Variants in LIMD1 observed in about 807,000 individuals in gnomAD.
LIMD1 encodes the protein LIM domain-containing protein 1.
In LIMD1, 23 loss-of-function variants were observed where a neutral mutation model predicts 58.4. The ratio of observed to expected loss-of-function variants is 0.39; its 90% CI spans 0.28 to 0.56. LIMD1 has a LOEUF of 0.56. LIMD1 is among the 20% of genes least tolerant of loss of function. The pLI is 0.57. For synonymous variants in LIMD1, 334 were observed against 345.5 expected, an observed-to-expected ratio of 0.97 and a Z score of 0.37; for missense variants, 838 against 855.5, an observed-to-expected ratio of 0.98 and a Z score of 0.25.
At chr3:45,618,745 A>G (rs1481192581) in intron 1 of LIMD1, among the ~76,000 whole-genome samples, 4 of 151,868 alleles carry the variant, frequency 2.6e-5, no homozygotes, top group Non-Finnish European at 4.4e-5. Flanking sequence ...AGAAGCCACA[A>G]CGATGCCCGA....
chr3:45,614,184 A>G (rs1701555214), intron 1 of LIMD1, among the ~76,000 whole-genome samples: 2 of 152,178 alleles, frequency 1.3e-5, no homozygotes, highest in South Asian at 4.1e-4. Context: ...TAAGAGTTTG[A>G]TTTAAAAAAC....
In LIMD1 at chr3:45,596,075, T is replaced by C. The variant is rs1701346133; in HGVS notation, c.1196T>C (p.Leu399Ser). 6.2e-7 allele frequency: 1 copy of C among 1,614,080 alleles called. No individual in the cohort carries two copies. Among genetic ancestry groups the C allele is most frequent in the African/African-American group, 1.3e-5 (1 of 74,936 alleles). Residue 399 changes from leucine (L) to serine (S), a missense_variant, in exon 1 of 8, where the codon TTA (leucine) becomes TCA (serine). Around this residue, in one of 3 missense-constraint regions of LIMD1, gnomAD observed 659 missense variants for 639.8 expected, o/e 1.03. Coordinates refer to ENST00000273317, the MANE Select transcript of LIMD1 (RefSeq NM_014240.3). ...CCAGTGATGTCCACCCTGCCTGAGT[T>C]ATCTTGTAAAGAGGGTCCCCTGGGC... ...VHPVMSTLPE[L>S]SCKEGPLGWS...
chr3:45,594,805 A>ACACACACACAC lies in LIMD1; in HGVS notation c.-74_-64dup, dbSNP rs1701319462. The ACACACACACAC allele has an allele frequency of 3.3e-5, 15 of 451,236 alleles. No individual in the cohort carries two copies. The highest frequency in any genetic ancestry group is 3.1e-4 in the South Asian group (11 of 35,308). The allele number at this position is 451,236 out of a possible 1,614,324, so 28.0% of individuals were successfully genotyped here. On this transcript the variant is annotated 5_prime_UTR_variant, in exon 1 of 8. Transcript: ENST00000273317. ...CACACACACACACACACACACACAC[A>ACACACACACAC]CACACACACACACACACACACACAC...
rs1697798735 is a variant in LIMD1, at chr3:45,685,438, T to G, written c.*8379T>G. On this transcript the variant is annotated 3_prime_UTR_variant, in exon 8 of 8. Transcript: ENST00000273317. ...AGTTGCTCATATGGAAGCATTTCTTTTCCCCCTAAAGCCTATGAGACAGGC... is the reference window on the plus strand; with the variant it reads ...AGTTGCTCATATGGAAGCATTTCTTGTCCCCCTAAAGCCTATGAGACAGGC... 1 of 152,232 alleles carries G rather than the reference T, an allele frequency of 6.6e-6. No homozygotes were observed. Among genetic ancestry groups the G allele is most frequent in the Non-Finnish European group, 1.5e-5 (1 of 68,044 alleles). 9.4% of individuals were successfully genotyped at this position (152,232 alleles called of 1,614,324 possible).
At chr3:45,666,869 A>C (rs537481408) in intron 3 of LIMD1, among the ~76,000 whole-genome samples, 3 of 152,210 alleles carry the variant, frequency 2.0e-5, no homozygotes, top group African/African-American at 7.2e-5. Context: ...AGATGCAGAG[A>C]TGGGCTCAGG....
At chr3:45,619,254 C>T (rs556693309) in intron 1 of LIMD1, among the ~76,000 whole-genome samples, 138 of 152,222 alleles carry the variant, frequency 9.1e-4, no homozygotes, top group African/African-American at 3.1e-3. Context: ...AGCAGTCCTC[C>T]CGCTTCAGCC....
At chr3:45,662,584 T>G (rs1239952247) in intron 2 of LIMD1, among the ~76,000 whole-genome samples, 2 of 152,190 alleles carry the variant, frequency 1.3e-5, no homozygotes, top group Non-Finnish European at 2.9e-5. Flanking sequence ...GGAATCATCT[T>G]GATTCCTTTT....
intron 1 of LIMD1, among the ~76,000 whole-genome samples, chr3:45,628,391 T>G (rs1367461350): frequency 6.6e-6 from 1 of 152,126 alleles, no homozygotes; most frequent in Non-Finnish European, 1.5e-5. Flanking sequence ...AATAAGCAGG[T>G]GAAAAGATGC....
chr3:45,647,096 C>G (rs1167136472), intron 2 of LIMD1, among the ~76,000 whole-genome samples: 2 of 152,142 alleles, frequency 1.3e-5, no homozygotes, highest in Non-Finnish European at 2.9e-5. Flanking sequence ...AGAAAATCAC[C>G]TATAATTCAA....
In LIMD1 at chr3:45,683,668, G is replaced by C. The variant is rs1697771276; in HGVS notation, c.*6609G>C. On this transcript the variant is annotated 3_prime_UTR_variant, in exon 8 of 8. Transcript: ENST00000273317. The stretch of plus-strand genomic sequence containing the variant: ...GACCTCTGCTTCATTTACATAGGGT[G>C]TACACCAAGTAACCAATGGGAAACC... 1 of 152,208 alleles carries C rather than the reference G, an allele frequency of 6.6e-6. No individual in the cohort carries two copies. The highest frequency in any genetic ancestry group is 2.4e-5 in the African/African-American group (1 of 41,444). 9.4% of individuals were successfully genotyped at this position (152,208 alleles called of 1,614,324 possible).
chr3:45,652,959 C>CAA (rs1276853782), intron 2 of LIMD1, among the ~76,000 whole-genome samples: 1 of 152,178 alleles, frequency 6.6e-6, no homozygotes, highest in African/African-American at 2.4e-5. Flanking sequence ...CGTGAGGCAG[C>CAA]AGTGCTCAGA....
chr3:45,597,906 C>T (rs936450268), intron 1 of LIMD1, among the ~76,000 whole-genome samples: 2 of 152,242 alleles, frequency 1.3e-5, no homozygotes, highest in African/African-American at 4.8e-5. Context: ...AGCCAGTTCT[C>T]ACCCCATACT....
rs543408252 is a variant in LIMD1 at position 45,674,927 on chromosome 3, G to A, written c.1893+516G>A. The stretch of plus-strand genomic sequence containing the variant: ...CTTTGTCCCAACCCAAGATGAAGGA[G>A]CACTAGTACCTGATGACTGTCAGGA... On this transcript the variant is annotated intron_variant, in intron 7 of 7. Transcript: ENST00000273317. Among the ~76,000 whole-genome samples the A allele has an allele frequency of 2.6e-5, 4 of 152,358 alleles. No individual in the cohort carries two copies. In the East Asian group the frequency reaches 7.7e-4, roughly 29 times the overall value.
At chr3:45,632,146 G>A (rs945298409) in intron 1 of LIMD1, among the ~76,000 whole-genome samples, 2 of 152,222 alleles carry the variant, frequency 1.3e-5, no homozygotes, top group Non-Finnish European at 2.9e-5. Context: ...AACATTACAT[G>A]TAGCCTGCTT....
chr3:45,662,942 C>T (rs1697463134), intron 2 of LIMD1, among the ~76,000 whole-genome samples: 1 of 151,936 alleles, frequency 6.6e-6, no homozygotes, highest in East Asian at 1.9e-4. Flanking sequence ...CAAGATCGTG[C>T]CACTGCACTC....
At chr3:45,639,910 G>A (rs953732858) in intron 2 of LIMD1, among the ~76,000 whole-genome samples, 60 of 152,180 alleles carry the variant, frequency 3.9e-4, no homozygotes, top group Non-Finnish European at 1.8e-4. Context: ...TGATCTACCC[G>A]CCTCAGCTTC....
intron 2 of LIMD1, among the ~76,000 whole-genome samples, chr3:45,655,781 C>T (rs139148516): frequency 4.6e-5 from 7 of 152,302 alleles, no homozygotes; most frequent in Non-Finnish European, 7.4e-5. Flanking sequence ...CTGCCAAAGC[C>T]GCAGCAGCTC....
intron 6 of LIMD1, chr3:45,673,799 C>A (rs1420919185): frequency 6.7e-5 from 28 of 420,714 alleles, no homozygotes; most frequent in Non-Finnish European, 1.0e-4. Context: ...GCCTGTAGTC[C>A]TAGCTGCTTG....
intron 2 of LIMD1, among the ~76,000 whole-genome samples, chr3:45,661,199 A>G (rs184344684): frequency 7.9e-5 from 12 of 152,304 alleles, no homozygotes; most frequent in African/African-American, 2.6e-4. Flanking sequence ...AAAATAATGC[A>G]TAATTATTGC....
Sources: gnomAD v4.1 joint callset for allele counts (sites outside exome capture counted in the v4.1 genomes callset) on GRCh38, gnomAD v4.1.1 for gene constraint, gnomAD v4.1.1 regional missense constraint, MANE v1.5 for transcripts, NCBI Gene and HGNC (gene_info 2026-07-23, HGNC 2026-07-21) for gene names.